DENND5A: variants seen among roughly 807,000 people sequenced by gnomAD.
DENND5A encodes DENN domain-containing protein 5A.
DENND5A carries 64 observed loss-of-function variants against 140.3 expected under a neutral mutation model. That is an observed-to-expected ratio of 0.46 (90% CI 0.37 to 0.56). The LOEUF (loss-of-function observed/expected upper bound fraction) is 0.56, where lower values mean the gene tolerates loss of function less well. DENND5A is among the 20% of genes least tolerant of loss of function. The pLI is 0.00. For missense variants in DENND5A, 1,292 were observed against 1,593.8 expected (o/e 0.81, Z 3.22); for synonymous variants, 605 against 607.7 (o/e 1.00, Z 0.07).
intron 4 of DENND5A, among the ~76,000 whole-genome samples, chr11:9,198,710 T>C (rs915553719): frequency 2.6e-5 from 4 of 152,038 alleles, no homozygotes; most frequent in Non-Finnish European, 5.9e-5. Context: ...ATTTGTGAAG[T>C]CATAATCATG....
intron 4 of DENND5A, among the ~76,000 whole-genome samples, chr11:9,196,492 AAGG>A (rs1365476700): frequency 6.6e-6 from 1 of 152,204 alleles, no homozygotes; most frequent in Non-Finnish European, 1.5e-5. Context: ...AACCTCCCTG[AAGG>A]AGAACCAGGG....
chr11:9,148,978 A>C (rs564400088), intron 15 of DENND5A, among the ~76,000 whole-genome samples: 2 of 152,370 alleles, frequency 1.3e-5, no homozygotes, highest in African/African-American at 4.8e-5. Flanking sequence ...CTGTGCAAAG[A>C]GTAAGCGGAG....
At chr11:9,192,272 C>T (rs1394027636) in intron 5 of DENND5A, among the ~76,000 whole-genome samples, 1 of 152,136 alleles carries the variant, frequency 6.6e-6, no homozygotes, top group East Asian at 1.9e-4. Flanking sequence ...TGCCCAGATC[C>T]AGTTCCATGA....
chr11:9,199,546 TA>T lies in DENND5A; in HGVS notation c.949+4113del, dbSNP rs1399057154. 3.3e-5 allele frequency among the ~76,000 whole-genome samples: 5 copies of T among 152,210 alleles called. No individual in the cohort carries two copies. In the South Asian group the frequency reaches 8.3e-4, roughly 25 times the overall value. Reference sequence around the variant, plus strand: ...AACAACCAATTAAAAATTATGCTATTAAAAAAACACTAATTCTATATGGACT... The same window carrying T: ...AACAACCAATTAAAAATTATGCTATTAAAAAACACTAATTCTATATGGACT... On this transcript the variant is annotated intron_variant, in intron 4 of 22. Coordinates refer to ENST00000328194, the MANE Select transcript of DENND5A (RefSeq NM_015213.4).
intron 2 of DENND5A, 47 bp downstream of exon 2, chr11:9,207,514 G>A: frequency 7.1e-7 from 1 of 1,400,310 alleles, no homozygotes. Flanking sequence ...ATATATGTAA[G>A]AACCATTAGA....
Position 9,180,736 on chromosome 11 carries a change from C to T in DENND5A, c.1455+31G>A, listed in dbSNP as rs751233599. ...CAGGACAGCACCCTAGCACAGATCACACGTGTCACAGACTCATATACACAT... is the reference window on the plus strand; with the variant it reads ...CAGGACAGCACCCTAGCACAGATCATACGTGTCACAGACTCATATACACAT... On this transcript the variant is annotated intron_variant, in intron 6 of 22. Coordinates refer to ENST00000328194, the MANE Select transcript of DENND5A (RefSeq NM_015213.4). 1.9e-5 allele frequency: 31 copies of T among 1,596,918 alleles called. No individual in the cohort carries two copies. In the South Asian group the frequency reaches 3.5e-4, roughly 18 times the overall value.
chr11:9,210,497 GTTTT>G (rs1849840351), intron 1 of DENND5A, among the ~76,000 whole-genome samples: 1 of 152,102 alleles, frequency 6.6e-6, no homozygotes, highest in Non-Finnish European at 1.5e-5. Flanking sequence ...CTTCTAATAG[GTTTT>G]TTATCTGTTC....
At chr11:9,218,921 G>A (rs1467748838) in intron 1 of DENND5A, among the ~76,000 whole-genome samples, 3 of 151,966 alleles carry the variant, frequency 2.0e-5, no homozygotes, top group South Asian at 4.1e-4. Flanking sequence ...CAGGAGAATC[G>A]CTTGAACCCG....
At chr11:9,185,473 T>C (rs1848878939) in intron 5 of DENND5A, among the ~76,000 whole-genome samples, 1 of 152,188 alleles carries the variant, frequency 6.6e-6, no homozygotes, top group Admixed American at 6.5e-5. Flanking sequence ...TATCTAAATG[T>C]TGTTTCATTG....
At chr11:9,228,128 A>AAAAAAAAAAAAC (rs1554930495) in intron 1 of DENND5A, among the ~76,000 whole-genome samples, 1 of 150,496 alleles carries the variant, frequency 6.6e-6, no homozygotes, top group Non-Finnish European at 1.5e-5. Flanking sequence ...AAAAAAAAAA[A>AAAAAAAAAAAAC]AAAACTTACA....
chr11:9,140,072 C>G, intron 22 of DENND5A: 12 of 1,206,518 alleles, frequency 9.9e-6, no homozygotes, highest in Non-Finnish European at 1.3e-5. Flanking sequence ...TCATGAGCCT[C>G]CAAGCCTCCT....
chr11:9,265,180 G>T lies in DENND5A; in HGVS notation c.-111C>A. Reference sequence around the variant, plus strand: ...CCCCTCCCGCCGCCGCCGCTACCGCGGCTCGGGCCGCCGCCCCCGGCCCTG... The same window carrying T: ...CCCCTCCCGCCGCCGCCGCTACCGCTGCTCGGGCCGCCGCCCCCGGCCCTG... On this transcript the variant is annotated 5_prime_UTR_variant, in exon 1 of 23. Transcript: ENST00000328194. The surrounding 1 kb of genome is among the most constrained non-coding windows in gnomAD (Gnocchi z 4.7). 1 of 519,678 alleles carries T rather than the reference G, an allele frequency of 1.9e-6. No homozygotes were observed. Among genetic ancestry groups the T allele is most frequent in the Non-Finnish European group, 2.5e-6 (1 of 402,910 alleles). The allele number at this position is 519,678 out of a possible 1,614,324, so 32.2% of individuals were successfully genotyped here.
intron 4 of DENND5A, among the ~76,000 whole-genome samples, chr11:9,197,302 C>A (rs1198518765): frequency 6.7e-6 from 1 of 148,840 alleles, no homozygotes; most frequent in Non-Finnish European, 1.5e-5. Flanking sequence ...GAAACTCCAT[C>A]TCAAAAAAAA....
intron 1 of DENND5A, among the ~76,000 whole-genome samples, chr11:9,254,283 G>A (rs953680956): frequency 6.6e-6 from 1 of 151,962 alleles, no homozygotes; most frequent in Non-Finnish European, 1.5e-5. Flanking sequence ...CCGAGGAAGT[G>A]AGGTATGATT....
In DENND5A at chr11:9,220,779, G is replaced by C. The variant is rs187681691; in HGVS notation, c.110-13147C>G. On this transcript the variant is annotated intron_variant, in intron 1 of 22. Transcript: ENST00000328194. Reference sequence around the variant, plus strand: ...ATGGTGGTGGGTACCTGTAATCCCAGCTACTGGGGAGGCTGAGGTACGAGA... The same window carrying C: ...ATGGTGGTGGGTACCTGTAATCCCACCTACTGGGGAGGCTGAGGTACGAGA... 7.2e-5 allele frequency among the ~76,000 whole-genome samples: 11 copies of C among 152,190 alleles called. No individual in the cohort carries two copies. The East Asian group carries it at 2.1e-3, about 29-fold the overall frequency.
intron 12 of DENND5A, among the ~76,000 whole-genome samples, chr11:9,154,320 CTTAAGTCTATCT>C (rs1332834396): frequency 6.6e-6 from 1 of 152,156 alleles, no homozygotes; most frequent in African/African-American, 2.4e-5. Flanking sequence ...GGGATTCAAG[CTTAAGTCTATCT>C]AATGTCAAAA....
chr11:9,143,452 C>T lies in DENND5A; in HGVS notation c.3338G>A (p.Gly1113Glu). 1 of 1,614,186 alleles carries T rather than the reference C, an allele frequency of 6.2e-7. No homozygotes were observed. The highest frequency in any genetic ancestry group is 2.2e-5 in the East Asian group (1 of 44,890). ...CTTCACAATGCCATTGACTGCCTCC[C>T]CGATGGACTCCTGGATCTGCCCAGT... ...LNTGQIQESI[G>E]EAVNGIVKHF... Residue 1113 changes from glycine to glutamate, a missense_variant, in exon 20 of 23, where the codon GGG (glycine) becomes GAG (glutamate). Coordinates refer to ENST00000328194, the MANE Select transcript of DENND5A (RefSeq NM_015213.4).
At chr11:9,261,852 A>AG (rs1388864022) in intron 1 of DENND5A, among the ~76,000 whole-genome samples, 1 of 151,716 alleles carries the variant, frequency 6.6e-6, no homozygotes. Context: ...TGAAATGAAG[A>AG]GGGAAAAAAA....
At chr11:9,142,382 T>C (rs1156486524) in intron 21 of DENND5A, among the ~76,000 whole-genome samples, 1 of 152,184 alleles carries the variant, frequency 6.6e-6, no homozygotes, top group African/African-American at 2.4e-5. Context: ...GCATGAAAAT[T>C]CTCCATATGG....
Sources: gnomAD v4.1 joint callset for allele counts (sites outside exome capture counted in the v4.1 genomes callset) on GRCh38, gnomAD v4.1.1 for gene constraint, Gnocchi (gnomAD v3.1) non-coding constraint, MANE v1.5 for transcripts, NCBI Gene and HGNC (gene_info 2026-07-23, HGNC 2026-07-21) for gene names.